DLGAP2: variants seen among roughly 807,000 people sequenced by gnomAD.
DLGAP2 encodes DLG associated protein 2.
A neutral mutation model predicts 100.3 loss-of-function variants in DLGAP2; 26 were observed. The ratio of observed to expected loss-of-function variants is 0.26; its 90% CI spans 0.19 to 0.36. The LOEUF (loss-of-function observed/expected upper bound fraction) is 0.36. Among genes scored for constraint, DLGAP2 ranks in the 10% least tolerant of loss-of-function variants. DLGAP2 has a pLI of 1.00. For missense variants in DLGAP2, 1,858 were observed against 1,453.2 expected (o/e 1.28, Z -4.53); for synonymous variants, 886 against 630.1 (o/e 1.41, Z -6.08).
At chr8:810,304 G>A (rs73530398) in intron 1 of DLGAP2, among the ~76,000 whole-genome samples, 3,268 of 152,258 alleles carry the variant, frequency 0.021, 79 homozygotes, top group African/African-American at 0.06. Flanking sequence ...ATTTTGTACT[G>A]AAATGCTGCT....
At chr8:1,506,020 G>T (rs1223565076) in intron 4 of DLGAP2, among the ~76,000 whole-genome samples, 1 of 152,156 alleles carries the variant, frequency 6.6e-6, no homozygotes, top group Non-Finnish European at 1.5e-5. Flanking sequence ...TGTACACACT[G>T]TGTAATTTTG....
At position 737,677 on chromosome 8, in the gene DLGAP2, C is replaced by A. The variant is rs1415957945; in HGVS notation, c.-131C>A. ...GCGCGGTCTGAGCGCGCGGCGCCTG[C>A]GGCGGCGAACGGACGGACGGACCGC... is the stretch of plus-strand genomic sequence containing the variant. On this transcript the variant is annotated 5_prime_UTR_variant, in exon 1 of 15. Coordinates refer to ENST00000637795, the MANE Select transcript of DLGAP2 (RefSeq NM_001346810.2). The A allele has an allele frequency of 3.3e-5, 12 of 362,580 alleles. No individual in the cohort carries two copies. In the East Asian group the frequency reaches 4.4e-4, roughly 13 times the overall value. 22.5% of individuals were successfully genotyped at this position (362,580 alleles called of 1,614,324 possible).
chr8:1,231,469 A>G (rs1429436111), intron 2 of DLGAP2, among the ~76,000 whole-genome samples: 2 of 152,216 alleles, frequency 1.3e-5, no homozygotes, highest in South Asian at 2.1e-4. Flanking sequence ...TGACGCAGCA[A>G]TCCCATTACT....
chr8:1,173,425 G>T (rs960190590), intron 2 of DLGAP2, among the ~76,000 whole-genome samples: 1 of 152,186 alleles, frequency 6.6e-6, no homozygotes, highest in Admixed American at 6.5e-5. Context: ...GTCAGACAGG[G>T]ACATTTAAGT....
chr8:881,492 C>CTTTTTTTTTTTTTTT lies in DLGAP2; in HGVS notation c.19-26419_19-26418insTTTTTTTTTTTTTTT, dbSNP rs1563076903. On this transcript the variant is annotated intron_variant, in intron 1 of 14. Coordinates refer to ENST00000637795, the MANE Select transcript of DLGAP2 (RefSeq NM_001346810.2). ...TCTCATCCTCTCCTTACCATTTCAT[C>CTTTTTTTTTTTTTTT]TCTCTTTTTTTTTTTTTTTTTTTTT... Among the ~76,000 whole-genome samples, 3 of 128,154 alleles carry CTTTTTTTTTTTTTTT rather than the reference C, an allele frequency of 2.3e-5. 1 individual carries two copies. The highest frequency in any genetic ancestry group is 4.8e-5 in the Non-Finnish European group (3 of 62,770). 84.1% of individuals were successfully genotyped at this position (128,154 alleles called of 152,430 possible).
intron 3 of DLGAP2, among the ~76,000 whole-genome samples, chr8:1,333,673 G>T (rs977003906): frequency 3.9e-5 from 6 of 152,192 alleles, no homozygotes; most frequent in Non-Finnish European, 8.8e-5. Flanking sequence ...TGTAACCGCG[G>T]GCTCTCCAGG....
At chr8:1,503,556 G>C (rs1212381755) in intron 4 of DLGAP2, among the ~76,000 whole-genome samples, 22 of 152,148 alleles carry the variant, frequency 1.4e-4, no homozygotes, top group Admixed American at 1.4e-3. Context: ...TGGCCAGTGT[G>C]AATGGTACTG....
At chr8:1,586,621 G>C (rs1012337260) in intron 6 of DLGAP2, among the ~76,000 whole-genome samples, 2 of 152,188 alleles carry the variant, frequency 1.3e-5, no homozygotes, top group African/African-American at 4.8e-5. Flanking sequence ...CACAGATGTG[G>C]CACCAGCGTG....
intron 3 of DLGAP2, among the ~76,000 whole-genome samples, chr8:1,500,153 A>C (rs1799669937): frequency 6.6e-6 from 1 of 152,258 alleles, no homozygotes; most frequent in African/African-American, 2.4e-5. Context: ...ATGTGTCATC[A>C]TTCTGATACC....
intron 3 of DLGAP2, among the ~76,000 whole-genome samples, chr8:1,450,598 T>G (rs1191068113): frequency 6.6e-6 from 1 of 152,018 alleles, no homozygotes; most frequent in African/African-American, 2.4e-5. Flanking sequence ...CAGGGCTACT[T>G]CCTCCTGCCT....
intron 3 of DLGAP2, among the ~76,000 whole-genome samples, chr8:1,440,836 C>T (rs1002976778): frequency 6.6e-6 from 1 of 152,204 alleles, no homozygotes; most frequent in Non-Finnish European, 1.5e-5. Context: ...TTCCAGCAAC[C>T]ACGGAACTCT....
intron 3 of DLGAP2, among the ~76,000 whole-genome samples, chr8:1,436,309 T>TG (rs1158287770): frequency 2.0e-5 from 3 of 152,190 alleles, no homozygotes; most frequent in Non-Finnish European, 2.9e-5. Flanking sequence ...CTGAAGAACT[T>TG]GGAGTCTGAT....
chr8:1,077,788 C>T (rs1242641045), intron 2 of DLGAP2, among the ~76,000 whole-genome samples: 3 of 152,138 alleles, frequency 2.0e-5, no homozygotes, highest in African/African-American at 4.8e-5. Context: ...TTATCAAACT[C>T]CCCTTTTCCA....
rs114431838 is a variant in DLGAP2, at chr8:1,344,163, T to A, written c.106+85280T>A. Among the ~76,000 whole-genome samples the A allele has an allele frequency of 9.6e-4, 32 of 33,204 alleles. 1 individual carries two copies. In the East Asian group the frequency reaches 0.015, roughly 15 times the overall value. 21.8% of individuals were successfully genotyped at this position (33,204 alleles called of 152,430 possible). A position where few individuals can be genotyped will look rare whatever the true frequency, so the allele number is the denominator to read the frequency against. Reference sequence around the variant, plus strand: ...GTACTCGGGGCCCTGTCGTGGGTCTTTGTACTCGGGGCGCTGTCGTGGGTC... The same window carrying A: ...GTACTCGGGGCCCTGTCGTGGGTCTATGTACTCGGGGCGCTGTCGTGGGTC... On this transcript the variant is annotated intron_variant, in intron 3 of 14. Coordinates refer to ENST00000637795, the MANE Select transcript of DLGAP2 (RefSeq NM_001346810.2).
intron 1 of DLGAP2, among the ~76,000 whole-genome samples, chr8:843,174 G>C (rs976130861): frequency 3.3e-5 from 5 of 152,230 alleles, no homozygotes; most frequent in African/African-American, 1.2e-4. Context: ...ACTTTGGGAA[G>C]AAAGCAGAAT....
chr8:1,633,193 G>T (rs1797693312), intron 8 of DLGAP2, 147 bp downstream of exon 8: 5 of 716,962 alleles, frequency 7.0e-6, no homozygotes, highest in African/African-American at 3.6e-5. Context: ...GTGTTACACT[G>T]TCACATTCGC....
chr8:1,475,636 G>C (rs552083531), intron 3 of DLGAP2, among the ~76,000 whole-genome samples: 83 of 152,234 alleles, frequency 5.5e-4, no homozygotes, highest in African/African-American at 1.9e-3. Context: ...CAGGAACATT[G>C]CTTGTCATCC....
At chr8:938,620 G>A (rs1378291078) in intron 2 of DLGAP2, among the ~76,000 whole-genome samples, 10 of 152,238 alleles carry the variant, frequency 6.6e-5, no homozygotes, top group Non-Finnish European at 1.3e-4. Flanking sequence ...AAAGAGGCTT[G>A]GATGGCCACA....
chr8:1,411,573 C>T (rs751368286), intron 3 of DLGAP2, among the ~76,000 whole-genome samples: 73 of 152,266 alleles, frequency 4.8e-4, no homozygotes, highest in Non-Finnish European at 8.2e-4. Context: ...ACGAGGTAAC[C>T]GAAATGCGGA....
Sources: gnomAD v4.1 joint callset for allele counts (sites outside exome capture counted in the v4.1 genomes callset) on GRCh38, gnomAD v4.1.1 for gene constraint, MANE v1.5 for transcripts, NCBI Gene and HGNC (gene_info 2026-07-23, HGNC 2026-07-21) for gene names.